The following EVI5 variants were observed in gnomAD, a reference collection of about 807,000 sequenced individuals.
The protein encoded by EVI5 is ecotropic viral integration site 5 protein homolog.
Under a neutral mutation model 112.0 loss-of-function variants are expected in EVI5, and 73 were observed. The ratio of observed to expected loss-of-function variants is 0.65; its 90% CI spans 0.54 to 0.79. The LOEUF is 0.79. Ranked by LOEUF, EVI5 falls within the 30% of genes least tolerant of loss-of-function variation. The probability of loss-of-function intolerance (pLI) is 0.00; values close to 1 mark genes in which losing one functional copy is unlikely to be tolerated. For synonymous variants in EVI5, 305 were observed against 319.9 expected (o/e 0.95, Z 0.50); for missense variants, 900 against 968.8 (o/e 0.93, Z 0.94).
rs1288343207 is a variant in EVI5 at position 92,748,687 on chromosome 1, AC to A, written c.-81-12061del. Among the ~76,000 whole-genome samples, 4 of 151,162 alleles carry A rather than the reference AC, an allele frequency of 2.6e-5. No homozygotes were observed. In the Admixed American group the frequency reaches 2.7e-4, roughly 10 times the overall value. On this transcript the variant is annotated intron_variant, in intron 1 of 19. Coordinates refer to ENST00000684568, the MANE Select transcript of EVI5 (RefSeq NM_001350197.2). Reference sequence around the variant, plus strand: ...CCAGACTTATTTTTATTTTGGGGAGACAGAGGCTTCAAATAATTGAGAAAAA... The same window carrying A: ...CCAGACTTATTTTTATTTTGGGGAGAAGAGGCTTCAAATAATTGAGAAAAA...
intron 19 of EVI5, among the ~76,000 whole-genome samples, chr1:92,525,181 C>T (rs543915354): frequency 2.7e-5 from 4 of 150,572 alleles, no homozygotes; most frequent in East Asian, 4.0e-4. Flanking sequence ...ACACATACAT[C>T]GGGGTGTGCG....
chr1:92,778,927 C>T (rs1570935091), intron 1 of EVI5, among the ~76,000 whole-genome samples: 1 of 152,132 alleles, frequency 6.6e-6, no homozygotes. Context: ...TTAACTATCC[C>T]TACCTGGGAC....
rs180882742 is a variant in EVI5 at position 92,723,093 on chromosome 1, T to C, written c.149+13305A>G. Among the ~76,000 whole-genome samples, 358 of 152,362 alleles carry C rather than the reference T, an allele frequency of 2.3e-3. 1 individual carries two copies. Among genetic ancestry groups the C allele is most frequent in the African/African-American group, 7.8e-3 (324 of 41,592 alleles). On this transcript the variant is annotated intron_variant, in intron 2 of 19. Transcript: ENST00000684568. ...TCCCTGTGAATTTCCTTCAAGCTACTGTTGTCTGTCTCCATCTCAATAGGA... is the reference window on the plus strand; with the variant it reads ...TCCCTGTGAATTTCCTTCAAGCTACCGTTGTCTGTCTCCATCTCAATAGGA...
chr1:92,752,549 T>A (rs958895705), intron 1 of EVI5, among the ~76,000 whole-genome samples: 4 of 151,984 alleles, frequency 2.6e-5, no homozygotes, highest in African/African-American at 9.7e-5. Flanking sequence ...CCTTTTAATT[T>A]AGAAAAGGAC....
In EVI5 at chr1:92,726,587, T is replaced by C. The variant is rs12029693; in HGVS notation, c.149+9811A>G. On this transcript the variant is annotated intron_variant, in intron 2 of 19. Transcript: ENST00000684568. ...AAGAAAAAGTATTTCAAGAAGGAAATATCAGATGGAAATCTGGATCTAAAG... is the reference window on the plus strand; with the variant it reads ...AAGAAAAAGTATTTCAAGAAGGAAACATCAGATGGAAATCTGGATCTAAAG... Among the ~76,000 whole-genome samples, 19 of 152,214 alleles carry C rather than the reference T, an allele frequency of 1.2e-4. No individual in the cohort carries two copies. The East Asian group carries it at 3.7e-3, about 29-fold the overall frequency.
At chr1:92,581,997 G>A (rs1672014683) in intron 18 of EVI5, among the ~76,000 whole-genome samples, 1 of 152,206 alleles carries the variant, frequency 6.6e-6, no homozygotes, top group Admixed American at 6.5e-5. Context: ...TAACAATGGG[G>A]ATACATTCTG....
chr1:92,535,208 C>T (rs967684785), intron 19 of EVI5, among the ~76,000 whole-genome samples: 6 of 152,228 alleles, frequency 3.9e-5, no homozygotes, highest in South Asian at 2.1e-4. Context: ...ATCAAAACCA[C>T]AATGAGATAC....
At chr1:92,617,979 T>C (rs192325935) in intron 16 of EVI5, among the ~76,000 whole-genome samples, 2 of 152,332 alleles carry the variant, frequency 1.3e-5, no homozygotes, top group South Asian at 2.1e-4. Context: ...CTCACGTTCA[T>C]GGAATTCACT....
chr1:92,643,972 T>C (rs756641857), intron 13 of EVI5, among the ~76,000 whole-genome samples: 1 of 152,090 alleles, frequency 6.6e-6, no homozygotes, highest in Non-Finnish European at 1.5e-5. Context: ...TGAGAGAATA[T>C]GAAAGTCACC....
intron 19 of EVI5, among the ~76,000 whole-genome samples, chr1:92,525,266 C>CTTT (rs1557711741): frequency 1.8e-5 from 1 of 56,934 alleles, no homozygotes; most frequent in East Asian, 7.6e-4. Context: ...AATGACAATG[C>CTTT]CTTTTTTTTT....
At chr1:92,676,700 T>C (rs1464531150) in intron 10 of EVI5, among the ~76,000 whole-genome samples, 1 of 152,156 alleles carries the variant, frequency 6.6e-6, no homozygotes, top group African/African-American at 2.4e-5. Context: ...AGTTCAAAAG[T>C]ATAACCCTTG....
rs1673192167 is a variant in EVI5 at position 92,588,638 on chromosome 1, C to T, written c.2070+16669G>A. Reference sequence around the variant, plus strand: ...TATTTTTTTCATCTAACTTCTCATTCTACCATAAAGCTCAATGAGGAAAGG... The same window carrying T: ...TATTTTTTTCATCTAACTTCTCATTTTACCATAAAGCTCAATGAGGAAAGG... On this transcript the variant is annotated intron_variant, in intron 18 of 19. Coordinates refer to ENST00000684568, the MANE Select transcript of EVI5 (RefSeq NM_001350197.2). Among the ~76,000 whole-genome samples the T allele has an allele frequency of 3.9e-5, 6 of 152,152 alleles. No homozygotes were observed. The South Asian group carries it at 1.2e-3, about 32-fold the overall frequency.
At chr1:92,620,714 A>C (rs916913109) in intron 16 of EVI5, among the ~76,000 whole-genome samples, 1 of 152,172 alleles carries the variant, frequency 6.6e-6, no homozygotes, top group Non-Finnish European at 1.5e-5. Context: ...TCAAACAAAA[A>C]CCAGCACTAA....
At chr1:92,728,536 C>T (rs577076167) in intron 2 of EVI5, among the ~76,000 whole-genome samples, 50 of 152,160 alleles carry the variant, frequency 3.3e-4, no homozygotes, top group African/African-American at 1.2e-3. Flanking sequence ...TACAGGCACC[C>T]GCCACCATGC....
chr1:92,751,460 C>A (rs1250147507), intron 1 of EVI5, among the ~76,000 whole-genome samples: 1 of 152,132 alleles, frequency 6.6e-6, no homozygotes, highest in Non-Finnish European at 1.5e-5. Flanking sequence ...TGACTTGCTC[C>A]ATTCTGGACT....
intron 2 of EVI5, among the ~76,000 whole-genome samples, chr1:92,717,884 C>T (rs963584015): frequency 5.9e-5 from 9 of 151,742 alleles, no homozygotes; most frequent in African/African-American, 2.2e-4. Flanking sequence ...AAAAAAAAAC[C>T]AGGGGTTGCA....
intron 14 of EVI5, among the ~76,000 whole-genome samples, chr1:92,630,050 C>A (rs1432300442): frequency 3.3e-5 from 5 of 152,160 alleles, no homozygotes; most frequent in Non-Finnish European, 5.9e-5. Context: ...GCCACATTTT[C>A]TTAATCCAGT....
intron 18 of EVI5, among the ~76,000 whole-genome samples, chr1:92,571,064 T>C (rs1435953764): frequency 6.6e-6 from 1 of 151,790 alleles, no homozygotes; most frequent in Admixed American, 6.6e-5. Flanking sequence ...TTGTCTTATT[T>C]AGATTTAAAT....
intron 16 of EVI5, among the ~76,000 whole-genome samples, chr1:92,608,326 G>T (rs1164186527): frequency 6.6e-6 from 1 of 152,022 alleles, no homozygotes; most frequent in Non-Finnish European, 1.5e-5. Context: ...TCTAAGATTG[G>T]CAATGGGAGT....
Sources: gnomAD v4.1 joint callset for allele counts (sites outside exome capture counted in the v4.1 genomes callset) on GRCh38, gnomAD v4.1.1 for gene constraint, MANE v1.5 for transcripts, NCBI Gene and HGNC (gene_info 2026-07-23, HGNC 2026-07-21) for gene names.